GALNT15: variants seen among roughly 807,000 people sequenced by gnomAD.
GALNT15 encodes the protein UDP-GalNAc transferase T15.
A neutral mutation model predicts 66.8 loss-of-function variants in GALNT15; 67 were observed. That is an observed-to-expected ratio of 1.00 (90% CI 0.82 to 1.23). GALNT15 has a LOEUF of 1.23. Ranked by LOEUF, GALNT15 falls within the 50% of genes most tolerant of loss-of-function variation. GALNT15 has a pLI of 0.00. For missense variants in GALNT15, 827 were observed against 804.3 expected (o/e 1.03, Z -0.34); for synonymous variants, 313 against 311.5 (o/e 1.00, Z -0.05).
the GALNT15 span, among the ~76,000 whole-genome samples, chr3:16,243,036 C>T: frequency 1.3e-5 from 2 of 152,164 alleles, no homozygotes; most frequent in Non-Finnish European, 2.9e-5. Flanking sequence ...GCCCACAGAA[C>T]ATGTTCCAGA....
Position 16,227,604 on chromosome 3 carries a change from G to T in GALNT15, c.*104G>T, listed in dbSNP as rs777203096. On this transcript the variant is annotated 3_prime_UTR_variant, in exon 10 of 10. Coordinates refer to ENST00000339732, the MANE Select transcript of GALNT15 (RefSeq NM_054110.5). This position sits in a 1 kb window ranked among gnomAD's most constrained non-coding sequence, Gnocchi z 4.5. The stretch of plus-strand genomic sequence containing the variant: ...ATGAAGCTGATCCTTTTGTGTGTGT[G>T]CTCCTGGTGTTAGGAGAGAAAAAAG... The T allele has an allele frequency of 6.9e-6, 11 of 1,593,038 alleles. No homozygotes were observed. Among genetic ancestry groups the T allele is most frequent in the South Asian group, 1.1e-5 (1 of 87,972 alleles).
chr3:16,229,255 A>C lies in GALNT15; in HGVS notation c.*1755A>C. 1.0e-6 allele frequency: 1 copy of C among 984,932 alleles called. No homozygotes were observed. Among genetic ancestry groups the C allele is most frequent in the Non-Finnish European group, 1.2e-6 (1 of 829,458 alleles). 61.0% of individuals were successfully genotyped at this position (984,932 alleles called of 1,614,324 possible). On this transcript the variant is annotated 3_prime_UTR_variant, in exon 10 of 10. Transcript: ENST00000339732. The stretch of plus-strand genomic sequence containing the variant: ...TTCACTGCATTTCTCCTTCCTCAGA[A>C]TACACTCTGGACCTGTGCTGTCTAA...
downstream of GALNT15, among the ~76,000 whole-genome samples, chr3:16,232,690 A>T (rs1374303170): frequency 6.6e-6 from 1 of 150,782 alleles, no homozygotes; most frequent in African/African-American, 2.4e-5. Context: ...ATAGTATTTG[A>T]TCCGCTGGCT....
rs2064001379 is a variant in GALNT15, at chr3:16,225,659, T to G, written c.1774-1695T>G. Among the ~76,000 whole-genome samples the G allele has an allele frequency of 6.6e-6, 1 of 151,952 alleles. No homozygotes were observed. The highest frequency in any genetic ancestry group is 1.5e-5 in the Non-Finnish European group (1 of 67,956). On this transcript the variant is annotated intron_variant, in intron 9 of 9. Transcript: ENST00000339732. This position sits in a 1 kb window ranked among gnomAD's most constrained non-coding sequence, Gnocchi z 4.4. The stretch of plus-strand genomic sequence containing the variant: ...GCACTGAGCTGAGATCGTGCCACTG[T>G]ACTCCAGCCTGGGTGACAGAGAGAG...
rs58068369 is a variant in GALNT15 at position 16,207,559 on chromosome 3, C to T, written c.912-944C>T. On this transcript the variant is annotated intron_variant, in intron 3 of 9. Transcript: ENST00000339732. The stretch of plus-strand genomic sequence containing the variant: ...AAAAAAAAAATTGGGCCTAAAATTC[C>T]CCACCATTACCGGGAAATGAGCAAA... Among the ~76,000 whole-genome samples, 2 of 110,938 alleles carry T rather than the reference C, an allele frequency of 1.8e-5. 1 individual carries two copies. Among genetic ancestry groups the T allele is most frequent in the Non-Finnish European group, 3.6e-5 (2 of 55,346 alleles). The allele number at this position is 110,938 out of a possible 152,430, so 72.8% of individuals were successfully genotyped here. A position where few individuals can be genotyped will look rare whatever the true frequency, so the allele number is the denominator to read the frequency against.
chr3:16,233,115 A>G (rs1470294561), downstream of GALNT15, among the ~76,000 whole-genome samples: 1 of 10,544 alleles, frequency 9.5e-5, no homozygotes, highest in Non-Finnish European at 1.9e-4. Flanking sequence ...TTTTTTTTTG[A>G]AACGGAGTCT....
In GALNT15 at chr3:16,204,893, C is replaced by T. The variant is rs1285923931; in HGVS notation, c.912-3610C>T. The stretch of plus-strand genomic sequence containing the variant: ...ACCCCTTGTGCTTGTGCATGTGAGT[C>T]AGTGTGTGTGTGTAAGCATGTGAGA... On this transcript the variant is annotated intron_variant, in intron 3 of 9. Coordinates refer to ENST00000339732, the MANE Select transcript of GALNT15 (RefSeq NM_054110.5). The surrounding 1 kb of genome is among the most constrained non-coding windows in gnomAD (Gnocchi z 4.5). Among the ~76,000 whole-genome samples the T allele has an allele frequency of 6.6e-6, 1 of 152,096 alleles. No homozygotes were observed. The highest frequency in any genetic ancestry group is 1.5e-5 in the Non-Finnish European group (1 of 68,006).
the GALNT15 span, among the ~76,000 whole-genome samples, chr3:16,237,068 G>C: frequency 6.6e-6 from 1 of 152,220 alleles, no homozygotes; most frequent in Non-Finnish European, 1.5e-5. This position sits in a 1 kb window ranked among gnomAD's most constrained non-coding sequence, Gnocchi z 4.2. Context: ...CAAATCTTTT[G>C]TGTTTGGGAT....
At chr3:16,208,821 A>T in intron 4 of GALNT15, 151 bp downstream of exon 4, 1 of 716,294 alleles carries the variant, frequency 1.4e-6, no homozygotes. Context: ...GAGAGCAATC[A>T]TAGTATTTAC....
rs538772577 is a variant in GALNT15, at chr3:16,228,209, C to T, written c.*709C>T. The T allele has an allele frequency of 2.8e-5, 28 of 985,884 alleles. No homozygotes were observed. The African/African-American group carries it at 4.7e-4, about 17-fold the overall frequency. The allele number at this position is 985,884 out of a possible 1,614,324, so 61.1% of individuals were successfully genotyped here. On this transcript the variant is annotated 3_prime_UTR_variant, in exon 10 of 10. Coordinates refer to ENST00000339732, the MANE Select transcript of GALNT15 (RefSeq NM_054110.5). ...TTCCTACTGAGAATCTACCTCTATT[C>T]CCCCTGCCCTAGCTCTTCTCTAACT...
At chr3:16,248,193 GC>G in the GALNT15 span, among the ~76,000 whole-genome samples, 262 of 152,312 alleles carry the variant, frequency 1.7e-3, 1 homozygote, top group African/African-American at 5.6e-3. The surrounding 1 kb of genome is among the most constrained non-coding windows in gnomAD (Gnocchi z 4.9). Flanking sequence ...AGGTGCCTTA[GC>G]CAGCAGGCAA....
At chr3:16,185,435 C>A (rs761813310) in intron 1 of GALNT15, among the ~76,000 whole-genome samples, 2 of 152,174 alleles carry the variant, frequency 1.3e-5, no homozygotes, top group Non-Finnish European at 2.9e-5. Flanking sequence ...GACAGGGGGA[C>A]AACATCCTCA....
In GALNT15 at chr3:16,219,719, C is replaced by A. The variant is rs2063920711; in HGVS notation, c.1524+185C>A. Among the ~76,000 whole-genome samples, 1 of 152,236 alleles carries A rather than the reference C, an allele frequency of 6.6e-6. No homozygotes were observed. The highest frequency in any genetic ancestry group is 1.5e-5 in the Non-Finnish European group (1 of 68,040). Reference sequence around the variant, plus strand: ...TGGCTGAGTTTTGCCCCATTACCCACCCCAAAGCACCTCCTTCAAGAGGCC... The same window carrying A: ...TGGCTGAGTTTTGCCCCATTACCCAACCCAAAGCACCTCCTTCAAGAGGCC... On this transcript the variant is annotated intron_variant, in intron 7 of 9. Coordinates refer to ENST00000339732, the MANE Select transcript of GALNT15 (RefSeq NM_054110.5). The surrounding 1 kb of genome is among the most constrained non-coding windows in gnomAD (Gnocchi z 4.3).
In GALNT15 at chr3:16,219,808, T is replaced by C; in HGVS notation, c.1525-102T>C. 1.9e-6 allele frequency: 2 copies of C among 1,026,864 alleles called. No individual in the cohort carries two copies. The highest frequency in any genetic ancestry group is 1.5e-6 in the Non-Finnish European group (1 of 653,434). 63.6% of individuals were successfully genotyped at this position (1,026,864 alleles called of 1,614,324 possible). On this transcript the variant is annotated intron_variant, in intron 7 of 9. Transcript: ENST00000339732. This position sits in a 1 kb window ranked among gnomAD's most constrained non-coding sequence, Gnocchi z 4.3. ...GTTGTTGTGGCCTGAACAATGTGCCTTGGGCTGCACTCCAGAGAATACAGC... is the reference window on the plus strand; with the variant it reads ...GTTGTTGTGGCCTGAACAATGTGCCCTGGGCTGCACTCCAGAGAATACAGC...
chr3:16,217,170 G>A (rs945739658), intron 6 of GALNT15, among the ~76,000 whole-genome samples: 1 of 152,222 alleles, frequency 6.6e-6, no homozygotes, highest in Admixed American at 6.5e-5. Context: ...ACTATAAAAT[G>A]AAATGTGAAA....
the GALNT15 span, among the ~76,000 whole-genome samples, chr3:16,241,661 G>T: frequency 6.6e-6 from 1 of 152,054 alleles, no homozygotes; most frequent in African/African-American, 2.4e-5. The surrounding 1 kb of genome is among the most constrained non-coding windows in gnomAD (Gnocchi z 4.6). Flanking sequence ...CGATTCTGCC[G>T]CCTCAGCCTC....
chr3:16,190,530 C>A (rs987037084), intron 1 of GALNT15, among the ~76,000 whole-genome samples: 1 of 151,210 alleles, frequency 6.6e-6, no homozygotes, highest in Non-Finnish European at 1.5e-5. Flanking sequence ...CCCAGCTACT[C>A]AGGAGGCTGA....
downstream of GALNT15, among the ~76,000 whole-genome samples, chr3:16,234,342 G>A (rs1286664855): frequency 2.0e-5 from 3 of 150,942 alleles, no homozygotes; most frequent in Non-Finnish European, 2.9e-5. Context: ...TTTCTTCCGC[G>A]AAAGCCAAAG....
rs1314992486 is a variant in GALNT15, at chr3:16,215,630, G to A, written c.1392+2867G>A. Among the ~76,000 whole-genome samples, 3 of 152,094 alleles carry A rather than the reference G, an allele frequency of 2.0e-5. No individual in the cohort carries two copies. In the South Asian group the frequency reaches 6.2e-4, roughly 32 times the overall value. On this transcript the variant is annotated intron_variant, in intron 6 of 9. Coordinates refer to ENST00000339732, the MANE Select transcript of GALNT15 (RefSeq NM_054110.5). ...TGTATTTGGTATATCGAAGGTGCTCGGCTGGGCACAGTGGCTCATGCCTGT... is the reference window on the plus strand; with the variant it reads ...TGTATTTGGTATATCGAAGGTGCTCAGCTGGGCACAGTGGCTCATGCCTGT...
Sources: allele counts gnomAD v4.1 joint callset (sites outside exome capture counted in the v4.1 genomes callset), GRCh38; gene constraint gnomAD v4.1.1; non-coding constraint Gnocchi (gnomAD v3.1); transcripts MANE v1.5; gene names NCBI Gene and HGNC (gene_info 2026-07-23, HGNC 2026-07-21).